The following HADH variants were observed in gnomAD, a reference collection of about 807,000 sequenced individuals.
HADH encodes the protein hydroxyacyl-CoA dehydrogenase.
A neutral mutation model predicts 32.2 loss-of-function variants in HADH; 24 were observed. That is an observed-to-expected ratio of 0.75 (90% CI 0.54 to 1.05). HADH has a LOEUF of 1.05. Among genes scored for constraint, HADH ranks in the 50% least tolerant of loss-of-function variants. HADH has a pLI of 0.00. For missense variants in HADH, 350 were observed against 397.1 expected (o/e 0.88, Z 1.01); for synonymous variants, 139 against 152.5 (o/e 0.91, Z 0.65).
chr4:108,002,307 G>T (rs946225373), intron 1 of HADH, among the ~76,000 whole-genome samples: 5 of 152,170 alleles, frequency 3.3e-5, no homozygotes, highest in African/African-American at 1.2e-4. Context: ...GTTGGATCAA[G>T]AGTTGCATTA....
intron 6 of HADH, chr4:108,032,633 C>G (rs1736310313): frequency 2.2e-5 from 9 of 405,686 alleles, no homozygotes; most frequent in Non-Finnish European, 3.2e-5. Flanking sequence ...ATGGAGACTT[C>G]TGTCTCCATG....
intron 2 of HADH, among the ~76,000 whole-genome samples, chr4:108,011,512 G>T (rs1248369019): frequency 6.6e-6 from 1 of 152,208 alleles, no homozygotes; most frequent in Non-Finnish European, 1.5e-5. Context: ...TGAGATCTGG[G>T]TGGGGACACA....
chr4:107,998,617 G>A (rs1412850624), intron 1 of HADH, among the ~76,000 whole-genome samples: 1 of 152,182 alleles, frequency 6.6e-6, no homozygotes, highest in Non-Finnish European at 1.5e-5. Flanking sequence ...TGGGGAGAAG[G>A]TGAGGCCAAG....
chr4:108,027,271 A>C (rs1396494582), intron 5 of HADH: 1 of 334,904 alleles, frequency 3.0e-6, no homozygotes, highest in East Asian at 7.6e-5. Flanking sequence ...TGTGTACAGC[A>C]TTTTATGTGT....
chr4:108,028,570 G>A (rs1471476421), intron 6 of HADH: 4 of 309,630 alleles, frequency 1.3e-5, no homozygotes, highest in African/African-American at 8.6e-5. Flanking sequence ...AAGCACATTT[G>A]CTTCCTCAAA....
At chr4:108,028,532 A>T in intron 6 of HADH, 1 of 241,608 alleles carries the variant, frequency 4.1e-6, no homozygotes, top group Non-Finnish European at 7.9e-6. Flanking sequence ...TAAACAAAAC[A>T]TTTACACCAG....
chr4:108,023,399 C>T, intron 4 of HADH, 75 bp from the exon 5 acceptor site: 3 of 865,324 alleles, frequency 3.5e-6, no homozygotes, highest in South Asian at 2.6e-5. Context: ...GCCTTTTGAT[C>T]AATCATTCCT....
chr4:108,019,490 T>G, intron 3 of HADH, 50 bp from the exon 4 acceptor site: 1 of 1,576,734 alleles, frequency 6.3e-7, no homozygotes, highest in East Asian at 2.2e-5. Flanking sequence ...TCATGCTGTT[T>G]TGAAAGAAGA....
chr4:108,021,550 G>A (rs1735885561), intron 4 of HADH, among the ~76,000 whole-genome samples: 1 of 151,884 alleles, frequency 6.6e-6, no homozygotes, highest in Non-Finnish European at 1.5e-5. Context: ...TTTTTTTTCA[G>A]ACTCTGTTGG....
intron 6 of HADH, chr4:108,031,185 G>A (rs1736249007): frequency 6.6e-6 from 1 of 152,384 alleles, no homozygotes; most frequent in Middle Eastern, 3.4e-3. Flanking sequence ...AGTAATTGTG[G>A]AGAAGAAGAT....
At chr4:108,030,890 T>G (rs983996616) in intron 6 of HADH, 3 of 152,254 alleles carry the variant, frequency 2.0e-5, no homozygotes, top group Non-Finnish European at 4.4e-5. Context: ...TGCTCTGCAT[T>G]ATTGAGAACA....
chr4:108,000,863 A>G (rs763926245), intron 1 of HADH, among the ~76,000 whole-genome samples: 4 of 152,204 alleles, frequency 2.6e-5, no homozygotes, highest in Non-Finnish European at 4.4e-5. Context: ...CTACCGTCCA[A>G]AGCATTTGTT....
intron 1 of HADH, among the ~76,000 whole-genome samples, chr4:107,994,109 C>T (rs1208670101): frequency 6.6e-6 from 1 of 152,044 alleles, no homozygotes; most frequent in Non-Finnish European, 1.5e-5. Flanking sequence ...CAGATGTCCC[C>T]CTTGAGACAC....
At chr4:107,993,541 C>T (rs867132337) in intron 1 of HADH, among the ~76,000 whole-genome samples, 7 of 152,120 alleles carry the variant, frequency 4.6e-5, no homozygotes, top group Admixed American at 2.6e-4. Flanking sequence ...TTAAACACGT[C>T]AGTTTGTGCT....
At chr4:108,024,329 C>G (rs1233411301) in intron 5 of HADH, 1 of 152,184 alleles carries the variant, frequency 6.6e-6, no homozygotes, top group Non-Finnish European at 1.5e-5. Context: ...AAATGCTACA[C>G]CATTACAAAG....
intron 4 of HADH, among the ~76,000 whole-genome samples, chr4:108,020,876 C>G (rs772412968): frequency 6.6e-5 from 10 of 152,148 alleles, no homozygotes; most frequent in African/African-American, 9.7e-5. Flanking sequence ...TTCCAACTAC[C>G]TTTTCCTTCC....
intron 6 of HADH, chr4:108,029,154 T>G (rs1736168438): frequency 2.8e-6 from 1 of 353,790 alleles, no homozygotes. Context: ...ACCCTAGGCC[T>G]CTTACCATGT....
At chr4:108,023,718 G>C in intron 5 of HADH, 155 bp downstream of exon 5, 1 of 676,206 alleles carries the variant, frequency 1.5e-6, no homozygotes, top group Non-Finnish European at 2.7e-6. Flanking sequence ...CGTGCCTCCT[G>C]TTCTAGTTTG....
chr4:108,001,363 C>T (rs956510872), intron 1 of HADH, among the ~76,000 whole-genome samples: 1 of 152,142 alleles, frequency 6.6e-6, no homozygotes, highest in African/African-American at 2.4e-5. Context: ...GAAACAGAAC[C>T]TTGAAGGAAG....
Sources: allele counts gnomAD v4.1 joint callset (sites outside exome capture counted in the v4.1 genomes callset), GRCh38; gene constraint gnomAD v4.1.1; transcripts MANE v1.5; gene names NCBI Gene and HGNC (gene_info 2026-07-23, HGNC 2026-07-21).